GSTO1: variants seen among roughly 807,000 people sequenced by gnomAD.
GSTO1 encodes glutathione S-transferase omega-1.
In GSTO1, 27 loss-of-function variants were observed where a neutral mutation model predicts 23.8. The observed-to-expected ratio is 1.13, with a 90% confidence interval of 0.83 to 1.56. GSTO1 has a LOEUF of 1.56. Ranked by LOEUF, GSTO1 falls within the 40% of genes most tolerant of loss-of-function variation. The pLI is 0.00. For synonymous variants in GSTO1, 105 were observed against 109.3 expected, an observed-to-expected ratio of 0.96 and a Z score of 0.25; for missense variants, 255 against 285.8, an observed-to-expected ratio of 0.89 and a Z score of 0.78.
At chr10:104,262,714 AAAAG>A (rs1203897319) in intron 3 of GSTO1, among the ~76,000 whole-genome samples, 4 of 152,198 alleles carry the variant, frequency 2.6e-5, no homozygotes, top group Non-Finnish European at 4.4e-5. Flanking sequence ...TCCATTTCAA[AAAAG>A]AAAGAAAGTT....
At chr10:104,255,328 CGGGGTGGGGT>C in intron 2 of GSTO1, 57 bp downstream of exon 2, 1 of 1,186,898 alleles carries the variant, frequency 8.4e-7, no homozygotes, top group Non-Finnish European at 1.3e-6. Flanking sequence ...CTGCAGGCGG[CGGGGTGGGGT>C]GGGGTCTCAG....
At chr10:104,264,502 A>C (rs2011163436) in intron 4 of GSTO1, among the ~76,000 whole-genome samples, 1 of 152,204 alleles carries the variant, frequency 6.6e-6, no homozygotes, top group East Asian at 1.9e-4. Flanking sequence ...TAATATTCTC[A>C]ATCACCCCCT....
rs1348939988 is a variant in GSTO1 at position 104,266,004 on chromosome 10, T to C, written c.466-80T>C. ...TAAAAACTGCTTCTCTCACCTGCTCTACTTATTTCCCTTCAGCATTTCTAG... is the reference window on the plus strand; with the variant it reads ...TAAAAACTGCTTCTCTCACCTGCTCCACTTATTTCCCTTCAGCATTTCTAG... On this transcript the variant is annotated intron_variant, in intron 4 of 5. Transcript: ENST00000369713. The C allele has an allele frequency of 4.0e-6, 3 of 745,820 alleles. No homozygotes were observed. The East Asian group carries it at 7.6e-5, about 19-fold the overall frequency. 46.2% of individuals were successfully genotyped at this position (745,820 alleles called of 1,614,324 possible).
chr10:104,259,564 T>C lies in GSTO1; in HGVS notation c.144-12T>C, dbSNP rs778924656. 3 of 1,522,576 alleles carry C rather than the reference T, an allele frequency of 2.0e-6. No homozygotes were observed. The highest frequency in any genetic ancestry group is 2.2e-5 in the South Asian group (2 of 89,254). 94.3% of individuals were successfully genotyped at this position (1,522,576 alleles called of 1,614,324 possible). A position where few individuals can be genotyped will look rare whatever the true frequency, so the allele number is the denominator to read the frequency against. ...GTTTCCTTCTCTTCATAGTCTCCTA[T>C]GTGTCTTTCAGGCATGAAGTCATCA... On this transcript the variant is annotated splice_polypyrimidine_tract_variant and intron_variant, in intron 2 of 5. Transcript: ENST00000369713.
At chr10:104,264,327 A>T (rs2011162133) in intron 4 of GSTO1, among the ~76,000 whole-genome samples, 1 of 152,132 alleles carries the variant, frequency 6.6e-6, no homozygotes, top group South Asian at 2.1e-4. Flanking sequence ...ACAGTGTGGG[A>T]GCTGGAAAGT....
chr10:104,266,492 T>G (rs2011185758), intron 5 of GSTO1, among the ~76,000 whole-genome samples: 1 of 152,246 alleles, frequency 6.6e-6, no homozygotes, highest in Non-Finnish European at 1.5e-5. Context: ...AGCCCAGCAC[T>G]TCGGGAGGCC....
At chr10:104,256,886 A>ATTT (rs112642328) in intron 2 of GSTO1, among the ~76,000 whole-genome samples, 1 of 144,716 alleles carries the variant, frequency 6.9e-6, no homozygotes, top group South Asian at 2.2e-4. Context: ...GAGCCAAATA[A>ATTT]TTTTTTTTTT....
rs2011103836 is a variant in GSTO1, at chr10:104,256,837, T to G, written c.143+1566T>G. 2.6e-5 allele frequency among the ~76,000 whole-genome samples: 4 copies of G among 152,172 alleles called. No homozygotes were observed. The South Asian group carries it at 8.3e-4, about 31-fold the overall frequency. On this transcript the variant is annotated intron_variant, in intron 2 of 5. Coordinates refer to ENST00000369713, the MANE Select transcript of GSTO1 (RefSeq NM_004832.3). ...TTGTTTTCATAGTAACAAAAGTTTT[T>G]GTTTTATAGTTCAAAAATGTTGATA...
intron 5 of GSTO1, among the ~76,000 whole-genome samples, chr10:104,266,910 G>C (rs564745585): frequency 3.9e-5 from 6 of 152,062 alleles, no homozygotes; most frequent in Non-Finnish European, 8.8e-5. Flanking sequence ...AGCTATTCAG[G>C]GTTACTTTTG....
chr10:104,259,359 T>TA (rs1246969644), intron 2 of GSTO1, among the ~76,000 whole-genome samples: 1 of 152,068 alleles, frequency 6.6e-6, no homozygotes, highest in Non-Finnish European at 1.5e-5. Flanking sequence ...CTAAGTAAAA[T>TA]AAGCCAGACA....
At chr10:104,254,702 G>T, upstream of GSTO1, 1 of 600,038 alleles carries the variant, frequency 1.7e-6, no homozygotes, top group Non-Finnish European at 3.0e-6. Flanking sequence ...ATCTCCCCGT[G>T]GGTGCAGCCC....
At chr10:104,254,639 T>TG, upstream of GSTO1, 1 of 515,704 alleles carries the variant, frequency 1.9e-6, no homozygotes, top group Non-Finnish European at 3.5e-6. Context: ...TGCGGAGTGG[T>TG]GACCCCTTCG....
intron 1 of GSTO1, 97 bp from the exon 2 acceptor site, chr10:104,255,066 G>C: frequency 7.0e-7 from 1 of 1,436,910 alleles, no homozygotes; most frequent in Non-Finnish European, 9.6e-7. Context: ...CCACCGGCGG[G>C]GAACGGGTCG....
intron 4 of GSTO1, among the ~76,000 whole-genome samples, chr10:104,263,642 A>C (rs1350703694): frequency 6.6e-6 from 1 of 152,156 alleles, no homozygotes; most frequent in Non-Finnish European, 1.5e-5. Context: ...TATTTCATTC[A>C]TGCTAAGCCT....
upstream of GSTO1, chr10:104,254,768 T>A (rs2091592857): frequency 2.9e-6 from 2 of 699,980 alleles, no homozygotes; most frequent in Non-Finnish European, 5.1e-6. Context: ...GGCTATCCCA[T>A]AAAGCCGGGA....
At chr10:104,259,378 C>G (rs2011116944) in intron 2 of GSTO1, among the ~76,000 whole-genome samples, 198 bp from the exon 3 acceptor site, 1 of 152,146 alleles carries the variant, frequency 6.6e-6, no homozygotes, top group Non-Finnish European at 1.5e-5. Flanking sequence ...CACAGAAAGA[C>G]AAATACTGCA....
intron 3 of GSTO1, among the ~76,000 whole-genome samples, chr10:104,262,141 G>C (rs2011143589): frequency 2.0e-5 from 3 of 152,226 alleles, no homozygotes; most frequent in South Asian, 2.1e-4. Flanking sequence ...TTCCTGGTGA[G>C]AGCAGCGGCA....
At chr10:104,255,097 G>A in intron 1 of GSTO1, 66 bp from the exon 2 acceptor site, 2 of 1,448,674 alleles carry the variant, frequency 1.4e-6, no homozygotes, top group South Asian at 2.4e-5. Context: ...GGGACGCGGG[G>A]GCGGTGGGAT....
intron 2 of GSTO1, among the ~76,000 whole-genome samples, chr10:104,256,974 T>C (rs574163600): frequency 6.6e-6 from 1 of 152,300 alleles, no homozygotes; most frequent in Non-Finnish European, 1.5e-5. Context: ...CCTGTGCTCA[T>C]GTTCAAATTG....
Sources: allele counts gnomAD v4.1 joint callset (sites outside exome capture counted in the v4.1 genomes callset), GRCh38; gene constraint gnomAD v4.1.1; transcripts MANE v1.5; gene names NCBI Gene and HGNC (gene_info 2026-07-23, HGNC 2026-07-21).